Variants in SLC16A10 observed in about 807,000 individuals in gnomAD.
The protein encoded by SLC16A10 is monocarboxylate transporter 10.
In SLC16A10, 27 loss-of-function variants were observed where a neutral mutation model predicts 40.0. The ratio of observed to expected loss-of-function variants is 0.67; its 90% CI spans 0.50 to 0.93. The LOEUF (loss-of-function observed/expected upper bound fraction) is 0.93, where lower values mean the gene tolerates loss of function less well. Among genes scored for constraint, SLC16A10 ranks in the 40% least tolerant of loss-of-function variants. The pLI, the probability that SLC16A10 is intolerant of heterozygous loss-of-function variation, is 0.00. For missense variants in SLC16A10, 529 were observed against 658.2 expected, an observed-to-expected ratio of 0.80 and a Z score of 2.15; for synonymous variants, 213 against 249.8, an observed-to-expected ratio of 0.85 and a Z score of 1.39.
chr6:111,118,190 TTTA>T (rs1165924791), intron 1 of SLC16A10, among the ~76,000 whole-genome samples: 2 of 152,218 alleles, frequency 1.3e-5, no homozygotes, highest in Non-Finnish European at 2.9e-5. Flanking sequence ...TACTATGAGC[TTTA>T]TTATTCAAAC....
chr6:111,164,557 C>G (rs555451240), intron 1 of SLC16A10, among the ~76,000 whole-genome samples: 1 of 151,972 alleles, frequency 6.6e-6, no homozygotes, highest in South Asian at 2.1e-4. Context: ...GTCAGGAGTT[C>G]AAGACCAGCC....
At chr6:111,149,533 T>C (rs931762367) in intron 1 of SLC16A10, among the ~76,000 whole-genome samples, 1 of 152,244 alleles carries the variant, frequency 6.6e-6, no homozygotes, top group Non-Finnish European at 1.5e-5. Context: ...TTCCTAAAAT[T>C]AATTTTTTAT....
chr6:111,199,162 A>G (rs945670263), intron 3 of SLC16A10, among the ~76,000 whole-genome samples: 2 of 152,158 alleles, frequency 1.3e-5, no homozygotes, highest in Non-Finnish European at 2.9e-5. Context: ...AAACTTCAGA[A>G]TCAAATTTAA....
intron 3 of SLC16A10, among the ~76,000 whole-genome samples, chr6:111,195,892 T>A (rs1199246619): frequency 6.6e-6 from 1 of 152,080 alleles, no homozygotes; most frequent in Non-Finnish European, 1.5e-5. Context: ...ACACTGACTG[T>A]ATAATTACCA....
intron 1 of SLC16A10, among the ~76,000 whole-genome samples, chr6:111,146,992 A>C (rs1772090881): frequency 6.6e-6 from 1 of 152,238 alleles, no homozygotes; most frequent in South Asian, 2.1e-4. Flanking sequence ...TAAAATGTCC[A>C]GAATTAGCAA....
chr6:111,124,919 ATTTTCTGGGAGT>A (rs1334574253), intron 1 of SLC16A10, among the ~76,000 whole-genome samples: 2 of 152,086 alleles, frequency 1.3e-5, no homozygotes, highest in African/African-American at 4.8e-5. Context: ...TTAATTGTAC[ATTTTCTGGGAGT>A]TTTTCTCACT....
chr6:111,119,761 G>A (rs979409952), intron 1 of SLC16A10, among the ~76,000 whole-genome samples: 11 of 152,332 alleles, frequency 7.2e-5, no homozygotes, highest in African/African-American at 2.6e-4. Flanking sequence ...GATAGGATTA[G>A]TGTCCTTACA....
rs1055728761 is a variant in SLC16A10 at position 111,230,080 on chromosome 6, C to T, written c.*7845C>T. ...CTCAGCTCACTGCAACCTCCGCCTC[C>T]CGGGCTCAAGTGATTCTCGTGCCTC... On this transcript the variant is annotated 3_prime_UTR_variant, in exon 6 of 6. Coordinates refer to ENST00000368851, the MANE Select transcript of SLC16A10 (RefSeq NM_018593.5). The T allele has an allele frequency of 3.3e-5, 5 of 149,434 alleles. No individual in the cohort carries two copies. Among genetic ancestry groups the T allele is most frequent in the African/African-American group, 1.2e-4 (5 of 40,160 alleles). The allele number at this position is 149,434 out of a possible 1,614,324, so 9.3% of individuals were successfully genotyped here.
At chr6:111,180,876 T>C (rs936650203) in intron 3 of SLC16A10, among the ~76,000 whole-genome samples, 7 of 152,300 alleles carry the variant, frequency 4.6e-5, no homozygotes, top group African/African-American at 1.7e-4. Context: ...TAATTATTAC[T>C]GTAGTACTTT....
At chr6:111,162,827 A>C (rs1203430582) in intron 1 of SLC16A10, among the ~76,000 whole-genome samples, 1 of 152,168 alleles carries the variant, frequency 6.6e-6, no homozygotes, top group African/African-American at 2.4e-5. Context: ...GTTTTAAGCA[A>C]AAAAAGATTA....
At chr6:111,125,299 C>G (rs7760668) in intron 1 of SLC16A10, among the ~76,000 whole-genome samples, 4 of 152,136 alleles carry the variant, frequency 2.6e-5, no homozygotes, top group African/African-American at 9.7e-5. Flanking sequence ...CTCCAGGCCT[C>G]ATGGGAGTGG....
intron 3 of SLC16A10, among the ~76,000 whole-genome samples, chr6:111,183,192 C>T (rs1393329678): frequency 6.6e-6 from 1 of 152,194 alleles, no homozygotes; most frequent in Non-Finnish European, 1.5e-5. Flanking sequence ...GCCCACTCTG[C>T]TTCTGCCATT....
chr6:111,169,850 G>T (rs1479388520), intron 1 of SLC16A10, among the ~76,000 whole-genome samples: 4 of 151,836 alleles, frequency 2.6e-5, no homozygotes, highest in Non-Finnish European at 4.4e-5. Context: ...ATTTGGTATA[G>T]AAGTAGGTTG....
intron 1 of SLC16A10, among the ~76,000 whole-genome samples, chr6:111,163,314 G>T (rs1020717175): frequency 6.6e-6 from 1 of 150,926 alleles, no homozygotes; most frequent in African/African-American, 2.4e-5. Context: ...CACTACGCCC[G>T]GCTAATTTTT....
intron 1 of SLC16A10, among the ~76,000 whole-genome samples, chr6:111,111,372 A>T (rs975271602): frequency 6.6e-6 from 1 of 152,182 alleles, no homozygotes; most frequent in African/African-American, 2.4e-5. Flanking sequence ...TCACACAGTT[A>T]TCATTTTTGT....
intron 5 of SLC16A10, among the ~76,000 whole-genome samples, chr6:111,220,970 G>A (rs1326764082): frequency 6.6e-6 from 1 of 152,202 alleles, no homozygotes; most frequent in African/African-American, 2.4e-5. Context: ...TGATTCCAAA[G>A]ATAGAAAACT....
intron 1 of SLC16A10, among the ~76,000 whole-genome samples, chr6:111,148,823 A>C (rs768340683): frequency 1.3e-5 from 2 of 152,198 alleles, no homozygotes; most frequent in Non-Finnish European, 2.9e-5. Flanking sequence ...GAATACTTCA[A>C]TCAGGCCAGG....
intron 1 of SLC16A10, among the ~76,000 whole-genome samples, chr6:111,095,056 A>G (rs1393988453): frequency 1.3e-5 from 2 of 152,206 alleles, no homozygotes; most frequent in Non-Finnish European, 2.9e-5. Flanking sequence ...TTCTGTTTAA[A>G]TGCCCAGTGA....
At chr6:111,203,893 A>T (rs1198080667) in intron 3 of SLC16A10, among the ~76,000 whole-genome samples, 1 of 152,164 alleles carries the variant, frequency 6.6e-6, no homozygotes, top group Non-Finnish European at 1.5e-5. Context: ...CAGGGGGGAA[A>T]TAATAAACCA....
Sources: allele counts gnomAD v4.1 joint callset (sites outside exome capture counted in the v4.1 genomes callset), GRCh38; gene constraint gnomAD v4.1.1; transcripts MANE v1.5; gene names NCBI Gene and HGNC (gene_info 2026-07-23, HGNC 2026-07-21).